Variants in LYZL1 observed in about 807,000 individuals in gnomAD.
LYZL1 encodes the protein lysozyme like 1.
A neutral mutation model predicts 17.9 loss-of-function variants in LYZL1; 16 were observed. That is an observed-to-expected ratio of 0.90 (90% CI 0.61 to 1.36). LYZL1 has a LOEUF of 1.36. LYZL1 is among the 40% of genes most tolerant of loss of function. The probability of loss-of-function intolerance (pLI) is 0.00; values close to 1 mark genes in which losing one functional copy is unlikely to be tolerated. For missense variants in LYZL1, 149 were observed against 188.4 expected, an observed-to-expected ratio of 0.79 and a Z score of 1.22; for synonymous variants, 58 against 71.8, an observed-to-expected ratio of 0.81 and a Z score of 0.97.
intron 3 of LYZL1, among the ~76,000 whole-genome samples, chr10:29,305,731 A>AT (rs1420741770): frequency 3.9e-5 from 6 of 152,214 alleles, no homozygotes; most frequent in Non-Finnish European, 8.8e-5. Context: ...CTGATGATAT[A>AT]TTTTGTCAGT....
intron 4 of LYZL1, among the ~76,000 whole-genome samples, chr10:29,310,488 C>A (rs1835656129): frequency 1.4e-5 from 2 of 146,016 alleles, no homozygotes; most frequent in African/African-American, 2.6e-5. Context: ...TCAACTGAAT[C>A]AATTCGAGAG....
chr10:29,307,908 G>T (rs557434504), intron 3 of LYZL1, among the ~76,000 whole-genome samples: 3 of 152,236 alleles, frequency 2.0e-5, no homozygotes, highest in African/African-American at 7.2e-5. Context: ...TGCTATGTTG[G>T]TTTCCTAAGA....
chr10:29,315,284 C>T (rs534706599), downstream of LYZL1, among the ~76,000 whole-genome samples: 8 of 151,950 alleles, frequency 5.3e-5, no homozygotes, highest in Non-Finnish European at 2.9e-5. Flanking sequence ...CCAAGGTGGG[C>T]GGATCACCTG....
intron 3 of LYZL1, among the ~76,000 whole-genome samples, chr10:29,309,591 G>T (rs1366152484): frequency 1.3e-5 from 2 of 151,968 alleles, no homozygotes; most frequent in Non-Finnish European, 2.9e-5. Flanking sequence ...CAACCTCCTG[G>T]GCTCAAGTGA....
chr10:29,307,377 G>A (rs1835609999), intron 3 of LYZL1, among the ~76,000 whole-genome samples: 1 of 152,110 alleles, frequency 6.6e-6, no homozygotes, highest in Non-Finnish European at 1.5e-5. Flanking sequence ...GTCTTTCTGG[G>A]TCTTCCTTCC....
chr10:29,308,559 A>T (rs974358863), intron 3 of LYZL1, among the ~76,000 whole-genome samples: 33 of 152,208 alleles, frequency 2.2e-4, no homozygotes, highest in African/African-American at 8.0e-4. Context: ...GTTTTCTGTC[A>T]TGTTTGTGTT....
intron 1 of LYZL1, 138 bp downstream of exon 1, chr10:29,289,368 G>A (rs1161985271): frequency 3.5e-6 from 2 of 567,996 alleles, no homozygotes; most frequent in East Asian, 6.4e-5. Flanking sequence ...GCAGGGGATG[G>A]AAACCAACTC....
chr10:29,318,177 A>T (rs1045295742), exon 5 of LYZL1: 12 of 985,276 alleles, frequency 1.2e-5, no homozygotes, highest in Middle Eastern at 1.0e-3. Flanking sequence ...ATTCCAAACT[A>T]CAAGGGAAAA....
chr10:29,299,304 T>C (rs540592023), intron 3 of LYZL1, among the ~76,000 whole-genome samples: 7 of 152,280 alleles, frequency 4.6e-5, no homozygotes, highest in East Asian at 1.9e-4. Flanking sequence ...GGTTAGGGGG[T>C]TGGGGATCCC....
chr10:29,313,357 CT>C (rs2132841070), downstream of LYZL1, among the ~76,000 whole-genome samples: 1 of 152,346 alleles, frequency 6.6e-6, no homozygotes, highest in East Asian at 1.9e-4. Context: ...TGTTAGTCAT[CT>C]GCCTTGCAGC....
At chr10:29,302,586 G>C (rs1835535884) in intron 3 of LYZL1, among the ~76,000 whole-genome samples, 1 of 152,208 alleles carries the variant, frequency 6.6e-6, no homozygotes, top group South Asian at 2.1e-4. Flanking sequence ...CTCCACCCAG[G>C]TGTGTGTTTT....
intron 3 of LYZL1, among the ~76,000 whole-genome samples, chr10:29,308,637 A>G (rs1648807828): frequency 6.6e-6 from 1 of 152,240 alleles, no homozygotes; most frequent in African/African-American, 2.4e-5. Context: ...ATACATTTCA[A>G]TCAAAAGATT....
chr10:29,303,181 C>A (rs546289239), intron 3 of LYZL1, among the ~76,000 whole-genome samples: 2 of 152,310 alleles, frequency 1.3e-5, no homozygotes, highest in South Asian at 4.1e-4. Flanking sequence ...AATCCCTTTG[C>A]AGATTTCTGC....
intron 3 of LYZL1, among the ~76,000 whole-genome samples, chr10:29,300,032 T>C (rs973409900): frequency 2.0e-5 from 3 of 152,190 alleles, no homozygotes; most frequent in Non-Finnish European, 2.9e-5. Flanking sequence ...ATAGAAAGTA[T>C]GTAAATGAAT....
At chr10:29,315,992 T>C (rs577452289), downstream of LYZL1, among the ~76,000 whole-genome samples, 71 of 152,350 alleles carry the variant, frequency 4.7e-4, no homozygotes, top group African/African-American at 1.6e-3. Flanking sequence ...AGGGTCCGAC[T>C]GCTTGAGGAC....
chr10:29,306,423 G>A (rs1197253388), intron 3 of LYZL1, among the ~76,000 whole-genome samples: 6 of 144,858 alleles, frequency 4.1e-5, no homozygotes, highest in Non-Finnish European at 7.6e-5. Context: ...AGTGGCGGGC[G>A]CCTGTAGTCC....
Position 29,292,650 on chromosome 10 carries a change from A to T in LYZL1, c.271A>T (p.Asn91Tyr). Residue 91 changes from asparagine (N) to tyrosine (Y), a missense_variant, in exon 3 of 5, where the codon AAC (asparagine) becomes TAC (tyrosine). Coordinates refer to ENST00000649382, the MANE Select transcript of LYZL1 (RefSeq NM_032517.6). Reference protein sequence around the residue: ...AWCRRGKLKENNHCHVACSAL... With the variant: ...AWCRRGKLKEYNHCHVACSAL... ...GTGCAGACGCGGAAAGCTGAAGGAG[A>T]ACAACCACTGCCATGTCGCCTGCTC... 6.2e-7 allele frequency: 1 copy of T among 1,614,140 alleles called. No individual in the cohort carries two copies. Among genetic ancestry groups the T allele is most frequent in the Non-Finnish European group, 8.5e-7 (1 of 1,179,988 alleles).
At chr10:29,312,509 A>G (rs535040789), downstream of LYZL1, among the ~76,000 whole-genome samples, 14 of 152,288 alleles carry the variant, frequency 9.2e-5, no homozygotes, top group Middle Eastern at 3.4e-3. Context: ...ATTTAAATTA[A>G]ATCTATCCAA....
At position 29,307,188 on chromosome 10, in the gene LYZL1, A is replaced by T. The variant is rs141984826; in HGVS notation, c.299-2922A>T. 1.4e-4 allele frequency among the ~76,000 whole-genome samples: 22 copies of T among 152,230 alleles called. No individual in the cohort carries two copies. The East Asian group carries it at 4.2e-3, about 29-fold the overall frequency. On this transcript the variant is annotated intron_variant, in intron 3 of 4. Transcript: ENST00000649382. The stretch of plus-strand genomic sequence containing the variant: ...AAATTTCAAGTGAACAGTACAGTAT[A>T]ATTAACTATGGTCACCATATTGTAC...
Sources: gnomAD v4.1 joint callset for allele counts (sites outside exome capture counted in the v4.1 genomes callset) on GRCh38, gnomAD v4.1.1 for gene constraint, MANE v1.5 for transcripts, NCBI Gene and HGNC (gene_info 2026-07-23, HGNC 2026-07-21) for gene names.